Variants in ERCC6L2 observed in about 807,000 individuals in gnomAD.
ERCC6L2 encodes ERCC excision repair 6 like 2, also known as DNA excision repair protein ERCC-6-like 2.
In ERCC6L2, 77 loss-of-function variants were observed where a neutral mutation model predicts 132.0. The observed-to-expected ratio is 0.58, with a 90% CI of 0.49 to 0.71. The LOEUF is 0.71. Among genes scored for constraint, ERCC6L2 ranks in the 30% least tolerant of loss-of-function variants. ERCC6L2 has a pLI of 0.00. For synonymous variants in ERCC6L2, 583 were observed against 632.4 expected, an observed-to-expected ratio of 0.92 and a Z score of 1.17; for missense variants, 1,542 against 1,837.6, an observed-to-expected ratio of 0.84 and a Z score of 2.94.
chr9:95,900,524 G>A (rs1336588157), intron 3 of ERCC6L2, among the ~76,000 whole-genome samples: 1 of 152,174 alleles, frequency 6.6e-6, no homozygotes, highest in Non-Finnish European at 1.5e-5. Context: ...ATTTGAAAGA[G>A]AAATTAAAAA....
intron 4 of ERCC6L2, among the ~76,000 whole-genome samples, chr9:95,912,428 A>G (rs1394041583): frequency 1.3e-5 from 2 of 152,088 alleles, no homozygotes; most frequent in African/African-American, 4.8e-5. Flanking sequence ...GGCAAAATGT[A>G]AGTTAATGTA....
In ERCC6L2 at chr9:95,881,258, C is replaced by A; in HGVS notation, c.436C>A (p.Leu146Met). 2 of 1,576,732 alleles carry A rather than the reference C, an allele frequency of 1.3e-6. No individual in the cohort carries two copies. The highest frequency in any genetic ancestry group is 1.2e-5 in the South Asian group (1 of 84,660). The change falls in exon 2 of 19, where the codon CTG becomes ATG. Residue 146 changes from leucine to methionine, a missense_variant. This residue lies in a region of ERCC6L2 where 945 missense variants were observed against 1,105.2 expected (regional missense o/e 0.86). Coordinates refer to ENST00000653738, the MANE Select transcript of ERCC6L2 (RefSeq NM_020207.7). ...CTACATCCATGGAGGAGGGTGCATT[C>A]TGGGTGATGACATGGGACTTGGAAA... ...GHYIHGGGCI[L>M]GDDMGLGKTV...
intron 17 of ERCC6L2, among the ~76,000 whole-genome samples, chr9:96,002,839 C>G (rs1377361714): frequency 6.6e-6 from 1 of 152,012 alleles, no homozygotes; most frequent in Non-Finnish European, 1.5e-5. Context: ...TTTCATTTTT[C>G]CTACTAGGGA....
At chr9:95,968,078 C>G (rs747118892) in intron 14 of ERCC6L2, 11 of 152,000 alleles carry the variant, frequency 7.2e-5, no homozygotes, top group Non-Finnish European at 1.5e-4. Context: ...AAAAAGTTCC[C>G]TTGTTTATCG....
chr9:95,924,262 G>A (rs1246045253), intron 9 of ERCC6L2, among the ~76,000 whole-genome samples: 1 of 151,618 alleles, frequency 6.6e-6, no homozygotes, highest in African/African-American at 2.4e-5. Flanking sequence ...GGTTTAGTTT[G>A]CTTGGGACCT....
At chr9:95,981,883 T>C (rs890563770) in intron 17 of ERCC6L2, among the ~76,000 whole-genome samples, 1 of 152,196 alleles carries the variant, frequency 6.6e-6, no homozygotes, top group Non-Finnish European at 1.5e-5. Context: ...AACTGAGATG[T>C]GGTGACTGAA....
intron 4 of ERCC6L2, among the ~76,000 whole-genome samples, chr9:95,907,834 C>CACACACACACACAA (rs1829126974): frequency 1.7e-5 from 2 of 114,486 alleles, no homozygotes; most frequent in African/African-American, 6.4e-5. Flanking sequence ...ACTACACACA[C>CACACACACACACAA]ACACACACAC....
chr9:96,015,466 G>T lies in ERCC6L2; in HGVS notation c.*2263G>T, dbSNP rs1436858058. Among the ~76,000 whole-genome samples the T allele has an allele frequency of 6.6e-6, 1 of 151,574 alleles. No individual in the cohort carries two copies. Among genetic ancestry groups the T allele is most frequent in the Non-Finnish European group, 1.5e-5 (1 of 67,842 alleles). On this transcript the variant is annotated 3_prime_UTR_variant, in exon 19 of 19. Coordinates refer to ENST00000653738, the MANE Select transcript of ERCC6L2 (RefSeq NM_020207.7). ...TCCTCCCAAAGTGCTGGGATTACAG[G>T]TGTGAGCCACCATGCCCAGCCAATA...
chr9:95,916,269 G>A lies in ERCC6L2; in HGVS notation c.993G>A (p.Lys331=). The A allele has an allele frequency of 6.2e-7, 1 of 1,614,078 alleles. No individual in the cohort carries two copies. The highest frequency in any genetic ancestry group is 8.5e-7 in the Non-Finnish European group (1 of 1,179,980). ...GLLGSGTYFK[K]QFSDPVEHGQ... The stretch of plus-strand genomic sequence containing the variant: ...TAGGGAGTGGGACCTACTTCAAGAA[G>A]CAGTTTTCTGACCCAGTAGAACATG... Residue 331 remains lysine (K), a synonymous_variant, in exon 6 of 19, where the codon AAG becomes AAA. Coordinates refer to ENST00000653738, the MANE Select transcript of ERCC6L2 (RefSeq NM_020207.7).
intron 20 of ERCC6L2, among the ~76,000 whole-genome samples, chr9:96,040,685 T>C (rs907572319): frequency 3.9e-5 from 6 of 152,354 alleles, no homozygotes; most frequent in Admixed American, 3.9e-4. Flanking sequence ...GCGTGGCCCA[T>C]GGCCACACCT....
chr9:95,992,412 A>G (rs1833334531), intron 17 of ERCC6L2, among the ~76,000 whole-genome samples: 1 of 152,228 alleles, frequency 6.6e-6, no homozygotes, highest in African/African-American at 2.4e-5. Flanking sequence ...CCTTATCATT[A>G]AATTCACTTC....
intron 11 of ERCC6L2, among the ~76,000 whole-genome samples, chr9:95,934,257 A>T (rs1266134206): frequency 6.6e-6 from 1 of 152,158 alleles, no homozygotes; most frequent in Non-Finnish European, 1.5e-5. Flanking sequence ...GGATATGTAG[A>T]TCAGATAGTT....
rs1029969994 is a variant in ERCC6L2, at chr9:95,954,147, A to C, written c.1848-1767A>C. On this transcript the variant is annotated intron_variant, in intron 12 of 18. Transcript: ENST00000653738. Reference sequence around the variant, plus strand: ...AGCTTGCTCAAGGTCATAGCCAATAAGTGGCAGGGTCAGGATCTGAATCCA... The same window carrying C: ...AGCTTGCTCAAGGTCATAGCCAATACGTGGCAGGGTCAGGATCTGAATCCA... 3.3e-5 allele frequency among the ~76,000 whole-genome samples: 5 copies of C among 152,218 alleles called. No individual in the cohort carries two copies. The East Asian group carries it at 9.6e-4, about 29-fold the overall frequency.
intron 18 of ERCC6L2, among the ~76,000 whole-genome samples, chr9:96,006,250 G>A (rs1241962563): frequency 6.6e-6 from 1 of 152,272 alleles, no homozygotes; most frequent in East Asian, 1.9e-4. Context: ...GGAGGCAGCA[G>A]CTACTTCTGG....
intron 13 of ERCC6L2, among the ~76,000 whole-genome samples, chr9:95,965,356 A>C (rs2133047062): frequency 6.6e-6 from 1 of 152,280 alleles, no homozygotes; most frequent in Non-Finnish European, 1.5e-5. Flanking sequence ...GAGATGATAT[A>C]AGGTTGTAAG....
chr9:96,005,820 A>G (rs911262585), intron 18 of ERCC6L2, among the ~76,000 whole-genome samples: 1 of 152,208 alleles, frequency 6.6e-6, no homozygotes, highest in Non-Finnish European at 1.5e-5. Context: ...AAGAGTGCAG[A>G]ATGAACAAGG....
At chr9:95,928,412 A>G in intron 10 of ERCC6L2, 1 of 404,636 alleles carries the variant, frequency 2.5e-6, no homozygotes, top group Non-Finnish European at 4.3e-6. Context: ...GACATTTCAT[A>G]TATTTTAGAA....
intron 12 of ERCC6L2, among the ~76,000 whole-genome samples, chr9:95,944,953 C>G (rs552160131): frequency 6.6e-6 from 1 of 152,060 alleles, no homozygotes; most frequent in African/African-American, 2.4e-5. Context: ...ACCACAGGAC[C>G]GGGGCGAAAT....
intron 2 of ERCC6L2, among the ~76,000 whole-genome samples, chr9:95,887,665 TGTATA>T (rs1472245148): frequency 2.0e-5 from 3 of 152,210 alleles, no homozygotes; most frequent in Non-Finnish European, 4.4e-5. Context: ...ATTAAAAAGA[TGTATA>T]GTAAACCTCA....
Sources: allele counts gnomAD v4.1 joint callset (sites outside exome capture counted in the v4.1 genomes callset), GRCh38; gene constraint gnomAD v4.1.1; regional missense constraint gnomAD v4.1.1; transcripts MANE v1.5; gene names NCBI Gene and HGNC (gene_info 2026-07-23, HGNC 2026-07-21).